ELAPOR1: variants seen among roughly 807,000 people sequenced by gnomAD.
The protein encoded by ELAPOR1 is endosome-lysosome associated apoptosis and autophagy regulator 1, also known as endosome/lysosome-associated apoptosis and autophagy regulator 1.
Under a neutral mutation model 119.7 loss-of-function variants are expected in ELAPOR1, and 77 were observed. The observed-to-expected ratio is 0.64, with a 90% CI of 0.54 to 0.78. The LOEUF is 0.78. Among genes scored for constraint, ELAPOR1 ranks in the 30% least tolerant of loss-of-function variants. The probability of loss-of-function intolerance (pLI) is 0.00; values close to 1 mark genes in which losing one functional copy is unlikely to be tolerated. For missense variants in ELAPOR1, 1,115 were observed against 1,270.4 expected (o/e 0.88, Z 1.86); for synonymous variants, 481 against 487.2 (o/e 0.99, Z 0.17).
chr1:109,117,734 G>C (rs1175266285), intron 1 of ELAPOR1, among the ~76,000 whole-genome samples: 1 of 152,160 alleles, frequency 6.6e-6, no homozygotes, highest in Non-Finnish European at 1.5e-5. Flanking sequence ...AGGAAGAACA[G>C]TTAAGTACAC....
intron 21 of ELAPOR1, 139 bp downstream of exon 21, chr1:109,201,039 T>C: frequency 1.2e-6 from 1 of 824,236 alleles, no homozygotes. Context: ...TTCCCCACTC[T>C]GAAAATCCTG....
chr1:109,187,305 T>C (rs1653112134), intron 8 of ELAPOR1: 2 of 985,460 alleles, frequency 2.0e-6, no homozygotes, highest in African/African-American at 3.5e-5. Context: ...AGCCTGGGGC[T>C]CTGGCTGTCG....
At chr1:109,198,731 C>A in intron 18 of ELAPOR1, 57 bp downstream of exon 18, 1 of 1,444,196 alleles carries the variant, frequency 6.9e-7, no homozygotes, top group Non-Finnish European at 9.6e-7. Flanking sequence ...GTCATTCCAT[C>A]CTGAGATCCA....
chr1:109,178,799 T>C (rs1652507233), intron 7 of ELAPOR1, among the ~76,000 whole-genome samples: 3 of 151,790 alleles, frequency 2.0e-5, no homozygotes. Context: ...ACCCCAACTC[T>C]ACTAGAAATA....
At chr1:109,165,873 T>C (rs1651569191) in intron 3 of ELAPOR1, among the ~76,000 whole-genome samples, 1 of 151,324 alleles carries the variant, frequency 6.6e-6, no homozygotes, top group Non-Finnish European at 1.5e-5. Context: ...GCCTCCTGAG[T>C]AGCTGGGTTA....
intron 7 of ELAPOR1, among the ~76,000 whole-genome samples, chr1:109,177,300 C>T (rs917237910): frequency 4.9e-5 from 7 of 143,014 alleles, no homozygotes; most frequent in African/African-American, 8.2e-5. Context: ...ACTTCCCAGA[C>T]GGGGTGGCTG....
rs1651988728 is a variant in ELAPOR1, at chr1:109,172,580, A to T, written c.696+12A>T. On this transcript the variant is annotated intron_variant, in intron 5 of 21. Coordinates refer to ENST00000369939, the MANE Select transcript of ELAPOR1 (RefSeq NM_020775.5). ...GGGAATTCCACAGTGTGAGTATCACACCAGCCTTCTCCCAGAGATCCCAGA... is the reference window on the plus strand; with the variant it reads ...GGGAATTCCACAGTGTGAGTATCACTCCAGCCTTCTCCCAGAGATCCCAGA... 1 of 1,604,866 alleles carries T rather than the reference A, an allele frequency of 6.2e-7. No individual in the cohort carries two copies. Among genetic ancestry groups the T allele is most frequent in the African/African-American group, 1.3e-5 (1 of 74,644 alleles).
chr1:109,162,750 A>G (rs1651339734), intron 2 of ELAPOR1, among the ~76,000 whole-genome samples: 1 of 152,250 alleles, frequency 6.6e-6, no homozygotes, highest in Admixed American at 6.5e-5. Context: ...GTGAGCAAAT[A>G]AATACTTGTT....
chr1:109,165,584 TA>T (rs1161516161), intron 3 of ELAPOR1, among the ~76,000 whole-genome samples: 2,202 of 115,840 alleles, frequency 0.019, 50 homozygotes, highest in Admixed American at 0.077. Context: ...AACTCCGTCT[TA>T]AAAAAAAAAA....
chr1:109,158,153 G>T (rs1440555243), intron 1 of ELAPOR1, among the ~76,000 whole-genome samples: 2 of 152,094 alleles, frequency 1.3e-5, no homozygotes, highest in African/African-American at 2.4e-5. Context: ...CTCCCAAAGT[G>T]CCAGAATTAC....
At chr1:109,150,336 G>A (rs1399878705) in intron 1 of ELAPOR1, among the ~76,000 whole-genome samples, 1 of 152,230 alleles carries the variant, frequency 6.6e-6, no homozygotes, top group Non-Finnish European at 1.5e-5. Context: ...AAAGGGCAGT[G>A]TAAGGCCAGG....
intron 1 of ELAPOR1, among the ~76,000 whole-genome samples, chr1:109,154,764 C>T (rs1055363766): frequency 3.9e-5 from 6 of 152,246 alleles, no homozygotes. Context: ...GTCTTCTTAG[C>T]TCTGCTGTTG....
At chr1:109,126,075 T>C (rs1456399659) in intron 1 of ELAPOR1, among the ~76,000 whole-genome samples, 1 of 152,196 alleles carries the variant, frequency 6.6e-6, no homozygotes, top group African/African-American at 2.4e-5. Context: ...CAAATAACCA[T>C]TCCAATCGAC....
At chr1:109,189,884 G>A (rs1186654526) in intron 11 of ELAPOR1, among the ~76,000 whole-genome samples, 3 of 151,944 alleles carry the variant, frequency 2.0e-5, no homozygotes, top group Admixed American at 6.6e-5. Context: ...TTGATTTACC[G>A]ACTGCTCTCT....
intron 1 of ELAPOR1, among the ~76,000 whole-genome samples, chr1:109,121,628 G>A (rs1648424663): frequency 6.6e-6 from 1 of 152,128 alleles, no homozygotes; most frequent in Admixed American, 6.6e-5. Flanking sequence ...GGGTAATGCT[G>A]CCTTAGACAC....
intron 16 of ELAPOR1, 38 bp from the exon 17 acceptor site, chr1:109,197,941 C>A: frequency 6.5e-7 from 1 of 1,539,654 alleles, no homozygotes; most frequent in Non-Finnish European, 9.0e-7. Context: ...CCAGCTAATG[C>A]TACTAGTGAG....
intron 7 of ELAPOR1, among the ~76,000 whole-genome samples, chr1:109,181,727 C>T (rs924257053): frequency 1.3e-5 from 2 of 152,160 alleles, no homozygotes; most frequent in South Asian, 2.1e-4. Context: ...GTCCATGGGT[C>T]CCTCTGTGCT....
intron 4 of ELAPOR1, among the ~76,000 whole-genome samples, 195 bp downstream of exon 4, chr1:109,172,208 G>A (rs74113773): frequency 0.016 from 2,501 of 152,274 alleles, 54 homozygotes; most frequent in African/African-American, 0.056. Context: ...ACTATTGGGG[G>A]AAGAATTGTC....
intron 1 of ELAPOR1, among the ~76,000 whole-genome samples, chr1:109,121,837 G>A (rs1263464971): frequency 6.8e-6 from 1 of 147,100 alleles, no homozygotes; most frequent in Non-Finnish European, 1.5e-5. Context: ...GCAGTGGCAT[G>A]ATCTCAGCTC....
Sources: allele counts gnomAD v4.1 joint callset (sites outside exome capture counted in the v4.1 genomes callset), GRCh38; gene constraint gnomAD v4.1.1; transcripts MANE v1.5; gene names NCBI Gene and HGNC (gene_info 2026-07-23, HGNC 2026-07-21).